Variants in UBR3 observed in about 807,000 individuals in gnomAD.
UBR3 encodes ubiquitin protein ligase E3 component n-recognin 3.
A neutral mutation model predicts 243.2 loss-of-function variants in UBR3; 85 were observed. The observed-to-expected ratio is 0.35, with a 90% confidence interval of 0.29 to 0.42. UBR3 has a LOEUF of 0.42. Among genes scored for constraint, UBR3 ranks in the 10% least tolerant of loss-of-function variants. The pLI is 1.00. For synonymous variants in UBR3, 748 were observed against 799.8 expected, an observed-to-expected ratio of 0.94 and a Z score of 1.09; for missense variants, 1,686 against 2,300.8, an observed-to-expected ratio of 0.73 and a Z score of 5.47.
At chr2:169,907,036 C>CTTTTT (rs36078695) in intron 10 of UBR3, among the ~76,000 whole-genome samples, 81 of 112,244 alleles carry the variant, frequency 7.2e-4, no homozygotes, top group South Asian at 1.5e-3. Flanking sequence ...AAATTTCTTT[C>CTTTTT]TTTTTTTTTT....
Position 169,839,736 on chromosome 2 carries a change from A to T in UBR3, c.545+11684A>T, listed in dbSNP as rs1014446399. Among the ~76,000 whole-genome samples, 17 of 152,330 alleles carry T rather than the reference A, an allele frequency of 1.1e-4. No individual in the cohort carries two copies. In the East Asian group the frequency reaches 3.3e-3, roughly 29 times the overall value. ...ATGTGTTCATTATGAAGGGAGGAAC[A>T]GGCAAGAAGAGAGGAGTGACAGATC... On this transcript the variant is annotated intron_variant, in intron 1 of 38. Transcript: ENST00000272793.
intron 24 of UBR3, among the ~76,000 whole-genome samples, chr2:169,976,070 C>T (rs2088424302): frequency 6.6e-6 from 1 of 150,428 alleles, no homozygotes; most frequent in South Asian, 2.1e-4. Context: ...TTTTTACTGG[C>T]AAAGTGAATT....
At chr2:169,962,559 C>G (rs1008917746) in intron 24 of UBR3, among the ~76,000 whole-genome samples, 1 of 152,122 alleles carries the variant, frequency 6.6e-6, no homozygotes. Flanking sequence ...ACATTTTATT[C>G]TCTTTTGGGA....
intron 35 of UBR3, among the ~76,000 whole-genome samples, chr2:170,067,092 TAAGTA>T (rs1436360312): frequency 6.6e-6 from 1 of 151,990 alleles, no homozygotes; most frequent in Non-Finnish European, 1.5e-5. Flanking sequence ...TCACACCTCG[TAAGTA>T]AAGCAGGCAG....
chr2:170,003,920 G>C (rs1286326817), intron 27 of UBR3, among the ~76,000 whole-genome samples: 1 of 152,164 alleles, frequency 6.6e-6, no homozygotes, highest in East Asian at 1.9e-4. Context: ...GATTACAGGC[G>C]TGAGCCACTG....
At chr2:169,973,414 A>C (rs1223617877) in intron 24 of UBR3, among the ~76,000 whole-genome samples, 1 of 150,224 alleles carries the variant, frequency 6.7e-6, no homozygotes, top group African/African-American at 2.5e-5. Context: ...GGAAAAAACT[A>C]CTTTAAAGTT....
chr2:169,985,709 C>G (rs1255191934), intron 24 of UBR3, among the ~76,000 whole-genome samples: 1 of 152,052 alleles, frequency 6.6e-6, no homozygotes, highest in Non-Finnish European at 1.5e-5. Context: ...TCCATTAATA[C>G]TAGGCATTAC....
chr2:169,991,880 C>A (rs1297390557), intron 25 of UBR3, among the ~76,000 whole-genome samples: 1 of 151,946 alleles, frequency 6.6e-6, no homozygotes, highest in African/African-American at 2.4e-5. Flanking sequence ...CCGTGCCTGG[C>A]CTAAAACAAC....
chr2:169,890,525 GGAGAGAGA>G (rs781214598), intron 5 of UBR3, among the ~76,000 whole-genome samples: 22 of 67,858 alleles, frequency 3.2e-4, no homozygotes, highest in East Asian at 1.8e-3. Flanking sequence ...GGTTTTTCTA[GGAGAGAGA>G]GAGAGAGATA....
chr2:169,890,547 A>ATATATATGTG lies in UBR3; in HGVS notation c.1039-611_1039-610insGTGTATATAT, dbSNP rs1553504448. The stretch of plus-strand genomic sequence containing the variant: ...CTAGGAGAGAGAGAGAGAGATATAT[A>ATATATATGTG]TATATATATATATATATGTGTATAT... On this transcript the variant is annotated intron_variant, in intron 5 of 38. Transcript: ENST00000272793. Among the ~76,000 whole-genome samples, 75 of 23,066 alleles carry ATATATATGTG rather than the reference A, an allele frequency of 3.3e-3. 1 individual carries two copies. Among genetic ancestry groups the ATATATATGTG allele is most frequent in the South Asian group, 0.027 (19 of 700 alleles). 15.1% of individuals were successfully genotyped at this position (23,066 alleles called of 152,430 possible). A position where few individuals can be genotyped will look rare whatever the true frequency, so the allele number is the denominator to read the frequency against.
At chr2:170,040,336 G>C (rs1170381303) in intron 31 of UBR3, among the ~76,000 whole-genome samples, 1 of 151,440 alleles carries the variant, frequency 6.6e-6, no homozygotes, top group Non-Finnish European at 1.5e-5. Flanking sequence ...AAACTTCTGA[G>C]CTCAAGTGAT....
intron 23 of UBR3, among the ~76,000 whole-genome samples, chr2:169,955,271 T>A (rs926926269): frequency 1.3e-5 from 2 of 152,208 alleles, no homozygotes; most frequent in African/African-American, 4.8e-5. Flanking sequence ...CTATGAGATA[T>A]TGTAATATCC....
In UBR3 at chr2:170,006,759, A is replaced by G. The variant is rs138584263; in HGVS notation, c.4030-231A>G. ...AAAGTTTCATATTGAGAGAAGAGTA[A>G]GATACTTAAACAGTGTATTGGTGAG... On this transcript the variant is annotated intron_variant, in intron 27 of 38. Transcript: ENST00000272793. Among the ~76,000 whole-genome samples, 32 of 152,324 alleles carry G rather than the reference A, an allele frequency of 2.1e-4. No homozygotes were observed. In the East Asian group the frequency reaches 5.2e-3, roughly 25 times the overall value.
Position 170,061,976 on chromosome 2 carries a change from A to G in UBR3, c.5019+533A>G, listed in dbSNP as rs73019575. ...ATTTGAGCAGCTTTGGATTAGATCA[A>G]TGATGATACATTCCCAGTACTTGAT... On this transcript the variant is annotated intron_variant, in intron 35 of 38. Transcript: ENST00000272793. Among the ~76,000 whole-genome samples the G allele has an allele frequency of 5.3e-3, 804 of 152,334 alleles. 1 individual carries two copies. Among genetic ancestry groups the G allele is most frequent in the African/African-American group, 0.018 (732 of 41,572 alleles).
At chr2:169,835,937 C>T (rs567647754) in intron 1 of UBR3, among the ~76,000 whole-genome samples, 25 of 142,796 alleles carry the variant, frequency 1.8e-4, no homozygotes, top group African/African-American at 5.0e-4. Context: ...CCCACCTTTC[C>T]CTTTCTCTTT....
At chr2:169,910,173 T>C (rs986764050) in intron 10 of UBR3, among the ~76,000 whole-genome samples, 1 of 152,134 alleles carries the variant, frequency 6.6e-6, no homozygotes, top group African/African-American at 2.4e-5. Context: ...TTATACATTC[T>C]AGACCCTTCG....
At chr2:169,989,774 T>C (rs1397972817) in intron 25 of UBR3, among the ~76,000 whole-genome samples, 1 of 152,178 alleles carries the variant, frequency 6.6e-6, no homozygotes, top group Non-Finnish European at 1.5e-5. Context: ...TCAGGTATCA[T>C]TAGTGAACTG....
chr2:169,837,424 C>T (rs553520983), intron 1 of UBR3, among the ~76,000 whole-genome samples: 126 of 152,280 alleles, frequency 8.3e-4, no homozygotes, highest in African/African-American at 2.7e-3. Context: ...TGCGGTGAGC[C>T]GCGATCACGC....
chr2:169,829,877 C>G (rs1472246916), intron 1 of UBR3, among the ~76,000 whole-genome samples: 1 of 151,348 alleles, frequency 6.6e-6, no homozygotes, highest in Non-Finnish European at 1.5e-5. Flanking sequence ...CACATCTAGT[C>G]TTCTATCTGT....
Sources: gnomAD v4.1 joint callset for allele counts (sites outside exome capture counted in the v4.1 genomes callset) on GRCh38, gnomAD v4.1.1 for gene constraint, MANE v1.5 for transcripts, NCBI Gene and HGNC (gene_info 2026-07-23, HGNC 2026-07-21) for gene names.